The following ACSF2 variants were observed in gnomAD, a reference collection of about 807,000 sequenced individuals.
ACSF2 encodes the protein acyl-CoA synthetase family member 2.
In ACSF2, 52 loss-of-function variants were observed where a neutral mutation model predicts 79.3. That is an observed-to-expected ratio of 0.66 (90% CI 0.53 to 0.83). ACSF2 has a LOEUF of 0.83. Among genes scored for constraint, ACSF2 ranks in the 40% least tolerant of loss-of-function variants. The probability of loss-of-function intolerance (pLI) is 0.00; values close to 1 mark genes in which losing one functional copy is unlikely to be tolerated. For missense variants in ACSF2, 661 were observed against 803.3 expected (o/e 0.82, Z 2.14); for synonymous variants, 283 against 312.6 (o/e 0.91, Z 1.00).
Position 50,460,907 on chromosome 17 carries a change from G to A in ACSF2, c.324+35G>A, listed in dbSNP as rs1464993427. 3.8e-6 allele frequency: 6 copies of A among 1,582,522 alleles called. No individual in the cohort carries two copies. The African/African-American group carries it at 6.8e-5, about 18-fold the overall frequency. On this transcript the variant is annotated intron_variant, in intron 2 of 15. Coordinates refer to ENST00000300441, the MANE Select transcript of ACSF2 (RefSeq NM_025149.6). ...GACCTGGAAACCTCAAAGTGGGCAAGTACTAGCTCCCAAGCTGCCCTAGCT... is the reference window on the plus strand; with the variant it reads ...GACCTGGAAACCTCAAAGTGGGCAAATACTAGCTCCCAAGCTGCCCTAGCT...
Position 50,472,431 on chromosome 17 carries a change from C to G in ACSF2, c.1327C>G (p.Arg443Gly). 6.2e-7 allele frequency: 1 copy of G among 1,611,986 alleles called. No homozygotes were observed. Among genetic ancestry groups the G allele is most frequent in the Non-Finnish European group, 8.5e-7 (1 of 1,179,176 alleles). Residue 443 changes from arginine to glycine, a missense_variant, in exon 12 of 16, where the codon CGG becomes GGG. By Grantham distance (125) the Arg-to-Gly change is moderately radical (BLOSUM62 -2). Transcript: ENST00000300441. Reference sequence around the variant, plus strand: ...ACCTGAGGCCATCCTGTCCCAGGCCCGGATCATGAACATGGAGGCAGGGAC... The same window carrying G: ...ACCTGAGGCCATCCTGTCCCAGGCCGGGATCATGAACATGGAGGCAGGGAC... The part of the protein sequence containing the change: ...VGRIMPHTEA[R>G]IMNMEAGTLA...
chr17:50,465,240 A>C, intron 10 of ACSF2: 1 of 1,602,062 alleles, frequency 6.2e-7, no homozygotes, highest in East Asian at 2.2e-5. Context: ...ATACCAGCTC[A>C]CTTGCTGGAA....
intron 10 of ACSF2, chr17:50,469,020 G>T (rs2032956500): frequency 1.4e-5 from 19 of 1,349,536 alleles, no homozygotes; most frequent in East Asian, 3.0e-5. Flanking sequence ...CCACGGGGAA[G>T]GGGGCGGGGC....
chr17:50,443,641 T>A (rs1256157590), intron 1 of ACSF2, among the ~76,000 whole-genome samples: 1 of 152,118 alleles, frequency 6.6e-6, no homozygotes, highest in African/African-American at 2.4e-5. Flanking sequence ...ACTAGGATGG[T>A]AGGGAGGGGC....
chr17:50,433,679 C>T (rs62062123), intron 1 of ACSF2, among the ~76,000 whole-genome samples: 6,576 of 152,140 alleles, frequency 0.043, 182 homozygotes, highest in South Asian at 0.085. Flanking sequence ...AGTGCAGTGG[C>T]GTGATCACGG....
rs2033225005 is a variant in ACSF2, at chr17:50,473,792, G to A, written c.1603G>A (p.Val535Met). Residue 535 changes from valine (V) to methionine (M), a missense_variant, in exon 13 of 16, where the codon GTG becomes ATG. Physicochemically the swap from Val to Met is conservative, Grantham distance 21. Coordinates refer to ENST00000300441, the MANE Select transcript of ACSF2 (RefSeq NM_025149.6). ...GGACTTCTTTCACACACACCCGAAG[G>A]TGCAGGAAGTGCAGGTGAGGCACTT... ...LEDFFHTHPK[V>M]QEVQVVGVKD... 6.2e-7 allele frequency: 1 copy of A among 1,614,094 alleles called. No individual in the cohort carries two copies. Among genetic ancestry groups the A allele is most frequent in the Non-Finnish European group, 8.5e-7 (1 of 1,180,040 alleles).
intron 1 of ACSF2, among the ~76,000 whole-genome samples, chr17:50,453,034 TC>T (rs888250104): frequency 3.3e-5 from 5 of 152,078 alleles, no homozygotes; most frequent in Non-Finnish European, 7.4e-5. Context: ...CTCTCCTTTC[TC>T]CCAGATCTGA....
At chr17:50,466,108 A>T (rs570920347) in intron 10 of ACSF2, among the ~76,000 whole-genome samples, 5 of 112,990 alleles carry the variant, frequency 4.4e-5, no homozygotes, top group Admixed American at 1.1e-4. Flanking sequence ...TTTTTTTGAG[A>T]TGGAGTCTCA....
intron 1 of ACSF2, among the ~76,000 whole-genome samples, chr17:50,427,944 GC>G (rs1450537937): frequency 6.6e-6 from 1 of 152,142 alleles, no homozygotes; most frequent in Non-Finnish European, 1.5e-5. Flanking sequence ...CTTTCTTTCT[GC>G]CCCTTCCACT....
At chr17:50,470,072 T>C (rs3826439) in intron 10 of ACSF2, 91,295 of 152,662 alleles carry the variant, frequency 0.6, 28,702 homozygotes, top group African/African-American at 0.77. Context: ...AGAACCCACA[T>C]TGAACCAAAC....
intron 1 of ACSF2, among the ~76,000 whole-genome samples, chr17:50,431,609 C>A (rs1339749089): frequency 6.6e-6 from 1 of 152,346 alleles, no homozygotes; most frequent in East Asian, 1.9e-4. Flanking sequence ...TTCCTCCCAT[C>A]TCAGCCTCCC....
At chr17:50,464,457 C>T (rs2032551090) in intron 10 of ACSF2, 163 bp downstream of exon 10, 1 of 737,648 alleles carries the variant, frequency 1.4e-6, no homozygotes, top group Non-Finnish European at 2.4e-6. Context: ...ACCTCATCAG[C>T]ACCTGGTGGG....
At chr17:50,441,524 G>A (rs1481707500) in intron 1 of ACSF2, among the ~76,000 whole-genome samples, 2 of 152,184 alleles carry the variant, frequency 1.3e-5, no homozygotes, top group East Asian at 3.9e-4. Context: ...ATGTTGTATT[G>A]TATTGGGGTC....
Position 50,462,413 on chromosome 17 carries a change from A to G in ACSF2, c.627-7A>G. 6.2e-7 allele frequency: 1 copy of G among 1,606,620 alleles called. No homozygotes were observed. On this transcript the variant is annotated splice_region_variant and splice_polypyrimidine_tract_variant and intron_variant, in intron 5 of 15. Transcript: ENST00000300441. ...CCCCTGTCTCTCACCATCGTCCCCA[A>G]CCCCAGGCTCCCAGATCTGACCACA...
At chr17:50,468,259 G>A in intron 10 of ACSF2, 1 of 1,611,288 alleles carries the variant, frequency 6.2e-7, no homozygotes, top group Non-Finnish European at 8.5e-7. Flanking sequence ...CGGGCTGCAG[G>A]GAGCTCAACG....
intron 1 of ACSF2, among the ~76,000 whole-genome samples, chr17:50,453,139 T>C (rs965079829): frequency 2.0e-5 from 3 of 152,166 alleles, no homozygotes; most frequent in Non-Finnish European, 4.4e-5. Flanking sequence ...CGTGATCCAC[T>C]TGATCTCTTT....
chr17:50,460,351 A>G, intron 1 of ACSF2: 1 of 480,086 alleles, frequency 2.1e-6, no homozygotes, highest in Non-Finnish European at 4.1e-6. Flanking sequence ...GGGTGAAGGC[A>G]TGGTCCTGCT....
At chr17:50,437,779 A>G (rs1020244230) in intron 1 of ACSF2, among the ~76,000 whole-genome samples, 6 of 152,196 alleles carry the variant, frequency 3.9e-5, no homozygotes, top group African/African-American at 1.4e-4. Flanking sequence ...GGAGATCATC[A>G]AGCTCCTTGT....
At position 50,473,945 on chromosome 17, in the gene ACSF2, C is replaced by T. The variant is rs770288175; in HGVS notation, c.1669C>T (p.Arg557Trp). 2.1e-5 allele frequency: 33 copies of T among 1,561,726 alleles called. No homozygotes were observed. The highest frequency in any genetic ancestry group is 6.8e-5 in the East Asian group (3 of 43,812). ...GGGGGAAGAGATTTGTGCCTGCATTCGGCTGAAGGACGGGGAGGAGACCAC... is the reference window on the plus strand; with the variant it reads ...GGGGGAAGAGATTTGTGCCTGCATTTGGCTGAAGGACGGGGAGGAGACCAC... ...RMGEEICACI[R>W]LKDGEETTVE... The change falls in exon 14 of 16, where the codon CGG becomes TGG. Residue 557 changes from arginine (R) to tryptophan (W), a missense_variant. Coordinates refer to ENST00000300441, the MANE Select transcript of ACSF2 (RefSeq NM_025149.6).
Sources: gnomAD v4.1 joint callset for allele counts (sites outside exome capture counted in the v4.1 genomes callset) on GRCh38, gnomAD v4.1.1 for gene constraint, MANE v1.5 for transcripts, NCBI Gene and HGNC (gene_info 2026-07-23, HGNC 2026-07-21) for gene names.